The following MAST2 variants were observed in gnomAD, a reference collection of about 807,000 sequenced individuals.
MAST2 encodes the protein microtubule associated serine/threonine kinase 2.
Under a neutral mutation model 147.4 loss-of-function variants are expected in MAST2, and 70 were observed. The ratio of observed to expected loss-of-function variants is 0.47; its 90% confidence interval spans 0.39 to 0.58. The LOEUF (loss-of-function observed/expected upper bound fraction) is 0.58, where lower values mean the gene tolerates loss of function less well. Among genes scored for constraint, MAST2 ranks in the 20% least tolerant of loss-of-function variants. The pLI, the probability that MAST2 is intolerant of heterozygous loss-of-function variation, is 0.00. For synonymous variants in MAST2, 869 were observed against 896.8 expected (o/e 0.97, Z 0.55); for missense variants, 2,080 against 2,302.3 (o/e 0.90, Z 1.98).
At chr1:45,964,308 T>C (rs1660858298) in intron 5 of MAST2, among the ~76,000 whole-genome samples, 1 of 152,240 alleles carries the variant, frequency 6.6e-6, no homozygotes, top group African/African-American at 2.4e-5. Context: ...CTCCTTCTTG[T>C]ACCTCTGGTA....
chr1:46,009,669 T>G (rs1645635241), intron 9 of MAST2, among the ~76,000 whole-genome samples: 1 of 152,246 alleles, frequency 6.6e-6, no homozygotes, highest in African/African-American at 2.4e-5. Context: ...TGTTTGTGTT[T>G]ATAGGCATGT....
At position 46,023,969 on chromosome 1, in the gene MAST2, A is replaced by G; in HGVS notation, c.1769A>G (p.Glu590Gly). 1 of 1,614,212 alleles carries G rather than the reference A, an allele frequency of 6.2e-7. No individual in the cohort carries two copies. The highest frequency in any genetic ancestry group is 8.5e-7 in the Non-Finnish European group (1 of 1,180,032). The change falls in exon 15 of 29, where the codon GAG becomes GGG. Residue 590 changes from glutamate to glycine, a missense_variant. This residue lies in a region of MAST2 where 209 missense variants were observed against 309.5 expected (regional missense o/e 0.68). Transcript: ENST00000361297. This position sits in a 1 kb window ranked among gnomAD's most constrained non-coding sequence, Gnocchi z 4.9. ...AAGCGCCACTTGTGCATGGTGATGGAGTACGTTGAAGGTACTGAGGCAAAG... is the reference window on the plus strand; with the variant it reads ...AAGCGCCACTTGTGCATGGTGATGGGGTACGTTGAAGGTACTGAGGCAAAG... ...DTKRHLCMVMEYVEGGDCATL... is the reference protein window; with the variant it reads ...DTKRHLCMVMGYVEGGDCATL...
chr1:45,812,104 G>C (rs1201920325), intron 1 of MAST2, among the ~76,000 whole-genome samples: 1 of 152,090 alleles, frequency 6.6e-6, no homozygotes, highest in African/African-American at 2.4e-5. Context: ...GTTTTAGTTG[G>C]ATTACTCTGG....
At chr1:46,020,833 T>G (rs1211562682) in intron 11 of MAST2, among the ~76,000 whole-genome samples, 1 of 152,210 alleles carries the variant, frequency 6.6e-6, no homozygotes, top group East Asian at 1.9e-4. Context: ...TCAGCATGTT[T>G]GTAGAAATTC....
At chr1:45,986,696 G>A (rs1389835017) in intron 5 of MAST2, among the ~76,000 whole-genome samples, 5 of 129,612 alleles carry the variant, frequency 3.9e-5, no homozygotes, top group African/African-American at 5.9e-5. Flanking sequence ...CAGCCTGGGC[G>A]ACACAGAGAG....
chr1:46,017,572 C>T (rs1432289650), intron 10 of MAST2, among the ~76,000 whole-genome samples: 1 of 152,054 alleles, frequency 6.6e-6, no homozygotes, highest in Non-Finnish European at 1.5e-5. Context: ...AAAAAATGCT[C>T]ACCATCACTG....
At chr1:45,923,599 A>G (rs977648536) in intron 4 of MAST2, among the ~76,000 whole-genome samples, 7 of 152,212 alleles carry the variant, frequency 4.6e-5, no homozygotes, top group African/African-American at 1.2e-4. Flanking sequence ...ACACAGCTGT[A>G]TAAGTGGCAG....
chr1:46,022,792 T>G, intron 12 of MAST2, 118 bp from the exon 13 acceptor site: 1 of 784,988 alleles, frequency 1.3e-6, no homozygotes, highest in Non-Finnish European at 2.3e-6. Context: ...ATTCACATCC[T>G]AGGCTGATGC....
At chr1:45,838,581 T>A (rs1645177188) in intron 3 of MAST2, among the ~76,000 whole-genome samples, 1 of 152,298 alleles carries the variant, frequency 6.6e-6, no homozygotes, top group Non-Finnish European at 1.5e-5. Context: ...TTTTGTCTAT[T>A]TAAAAAAAAA....
chr1:45,881,049 T>A (rs4573476), intron 3 of MAST2, among the ~76,000 whole-genome samples: 28,430 of 151,962 alleles, frequency 0.19, 3,278 homozygotes, highest in Non-Finnish European at 0.26. Context: ...CATGACTGTG[T>A]ATGAGGGATA....
chr1:46,017,979 A>G (rs1159195419), intron 10 of MAST2, among the ~76,000 whole-genome samples: 1 of 152,030 alleles, frequency 6.6e-6, no homozygotes, highest in Admixed American at 6.6e-5. Flanking sequence ...CAGTCTACCA[A>G]AACTGTTCAG....
chr1:45,928,553 T>C (rs1654764485), intron 4 of MAST2, among the ~76,000 whole-genome samples: 1 of 151,204 alleles, frequency 6.6e-6, no homozygotes, highest in Non-Finnish European at 1.5e-5. Context: ...AATTGGGATG[T>C]CTGATCACTC....
At chr1:45,955,972 A>C (rs901331262) in intron 4 of MAST2, among the ~76,000 whole-genome samples, 1 of 152,228 alleles carries the variant, frequency 6.6e-6, no homozygotes, top group Non-Finnish European at 1.5e-5. Flanking sequence ...GATAATGAAC[A>C]GATCTATAAC....
chr1:45,855,670 T>C (rs1645764912), intron 3 of MAST2, among the ~76,000 whole-genome samples: 1 of 152,212 alleles, frequency 6.6e-6, no homozygotes, highest in Non-Finnish European at 1.5e-5. Context: ...GCTACTAGTA[T>C]ATAGAAATAT....
At chr1:45,865,076 G>T in intron 3 of MAST2, 1 of 455,936 alleles carries the variant, frequency 2.2e-6, no homozygotes, top group Non-Finnish European at 4.4e-6. Context: ...TCTGGGGAGT[G>T]GCTTTTTTTT....
intron 4 of MAST2, among the ~76,000 whole-genome samples, chr1:45,943,389 T>A (rs527623799): frequency 9.2e-5 from 14 of 152,334 alleles, no homozygotes; most frequent in Admixed American, 3.3e-4. Context: ...AGTGACTCCA[T>A]CTTGATTAAA....
chr1:45,907,490 C>T (rs535568990), intron 4 of MAST2, among the ~76,000 whole-genome samples: 5 of 145,664 alleles, frequency 3.4e-5, no homozygotes, highest in South Asian at 4.4e-4. Flanking sequence ...GAGAGAGTCT[C>T]GCTCTTATCA....
chr1:45,809,200 C>T lies in MAST2; in HGVS notation c.177+5128C>T, dbSNP rs945444275. On this transcript the variant is annotated intron_variant, in intron 1 of 28. Transcript: ENST00000361297. Reference sequence around the variant, plus strand: ...GTATCTTCAGCCTCTAGTATTTTAACTGGTATGTAATAGACATTCAGTAAG... The same window carrying T: ...GTATCTTCAGCCTCTAGTATTTTAATTGGTATGTAATAGACATTCAGTAAG... Among the ~76,000 whole-genome samples the T allele has an allele frequency of 2.1e-4, 32 of 152,318 alleles. 1 individual carries two copies. Among genetic ancestry groups the T allele is most frequent in the African/African-American group, 7.7e-4 (32 of 41,566 alleles).
chr1:45,928,667 G>A (rs1654795948), intron 4 of MAST2, among the ~76,000 whole-genome samples: 1 of 149,898 alleles, frequency 6.7e-6, no homozygotes, highest in Non-Finnish European at 1.5e-5. Context: ...CTGCAACCTT[G>A]AACTCCAGGC....
Sources: gnomAD v4.1 joint callset for allele counts (sites outside exome capture counted in the v4.1 genomes callset) on GRCh38, gnomAD v4.1.1 for gene constraint, gnomAD v4.1.1 regional missense constraint, Gnocchi (gnomAD v3.1) non-coding constraint, MANE v1.5 for transcripts, NCBI Gene and HGNC (gene_info 2026-07-23, HGNC 2026-07-21) for gene names.